The following STYX variants were observed in gnomAD, a reference collection of about 807,000 sequenced individuals.
STYX encodes serine/threonine/tyrosine interacting protein.
Under a neutral mutation model 42.7 loss-of-function variants are expected in STYX, and 20 were observed. The ratio of observed to expected loss-of-function variants is 0.47; its 90% CI spans 0.33 to 0.68. STYX has a LOEUF of 0.68. Among genes scored for constraint, STYX ranks in the 30% least tolerant of loss-of-function variants. The pLI, the probability that STYX is intolerant of heterozygous loss-of-function variation, is 0.02. For synonymous variants in STYX, 78 were observed against 81.9 expected (o/e 0.95, Z 0.26); for missense variants, 226 against 268.5 (o/e 0.84, Z 1.11).
At chr14:52,751,268 G>A (rs1460669039) in intron 4 of STYX, among the ~76,000 whole-genome samples, 1 of 151,982 alleles carries the variant, frequency 6.6e-6, no homozygotes, top group Non-Finnish European at 1.5e-5. Flanking sequence ...ATATCAAACT[G>A]CTTATTCTTT....
chr14:52,772,642 TA>T lies in STYX; in HGVS notation c.*1538del, dbSNP rs1882555730. 1 of 152,598 alleles carries T rather than the reference TA, an allele frequency of 6.6e-6. No homozygotes were observed. Among genetic ancestry groups the T allele is most frequent in the South Asian group, 2.1e-4 (1 of 4,824 alleles). The allele number at this position is 152,598 out of a possible 1,614,324, so 9.5% of individuals were successfully genotyped here. A position where few individuals can be genotyped will look rare whatever the true frequency, so the allele number is the denominator to read the frequency against. Reference sequence around the variant, plus strand: ...TGGTACCAAGAGGTACTATGCAAAGTAACCTATTACACCAAGTTACTTGCTT... The same window carrying T: ...TGGTACCAAGAGGTACTATGCAAAGTACCTATTACACCAAGTTACTTGCTT... On this transcript the variant is annotated 3_prime_UTR_variant, in exon 11 of 11. Coordinates refer to ENST00000354586, the MANE Select transcript of STYX (RefSeq NM_145251.4).
intron 1 of STYX, among the ~76,000 whole-genome samples, chr14:52,731,096 A>G (rs1880680279): frequency 6.6e-6 from 1 of 152,230 alleles, no homozygotes; most frequent in South Asian, 2.1e-4. Context: ...ATTAATATTG[A>G]AAGTAAAATA....
chr14:52,731,228 C>T (rs895799802), intron 1 of STYX, among the ~76,000 whole-genome samples: 1 of 151,960 alleles, frequency 6.6e-6, no homozygotes, highest in African/African-American at 2.4e-5. Context: ...TACGGCATTG[C>T]AGACTACTAA....
Position 52,773,943 on chromosome 14 carries a change from A to G in STYX, c.*2837A>G, listed in dbSNP as rs1210523574. 6.6e-6 allele frequency: 1 copy of G among 152,228 alleles called. No individual in the cohort carries two copies. The highest frequency in any genetic ancestry group is 6.5e-5 in the Admixed American group (1 of 15,280). 9.4% of individuals were successfully genotyped at this position (152,228 alleles called of 1,614,324 possible). A position where few individuals can be genotyped will look rare whatever the true frequency, so the allele number is the denominator to read the frequency against. ...GGCCCATAATTTATAGTGAAATTGT[A>G]TCAAAACATAGGGAAACTGTATTAC... On this transcript the variant is annotated 3_prime_UTR_variant, in exon 11 of 11. Coordinates refer to ENST00000354586, the MANE Select transcript of STYX (RefSeq NM_145251.4).
rs1011553647 is a variant in STYX, at chr14:52,771,251, G to A, written c.*145G>A. 3.0e-6 allele frequency: 2 copies of A among 658,980 alleles called. No individual in the cohort carries two copies. Among genetic ancestry groups the A allele is most frequent in the Non-Finnish European group, 4.9e-6 (2 of 405,422 alleles). The allele number at this position is 658,980 out of a possible 1,614,324, so 40.8% of individuals were successfully genotyped here. On this transcript the variant is annotated 3_prime_UTR_variant, in exon 11 of 11. Transcript: ENST00000354586. ...CAGACATACTTCTCTGCAACTTGTTGAGCAACATTTTAAGATGTTGGACTT... is the reference window on the plus strand; with the variant it reads ...CAGACATACTTCTCTGCAACTTGTTAAGCAACATTTTAAGATGTTGGACTT...
rs576495102 is a variant in STYX, at chr14:52,749,759, A to G, written c.145-924A>G. Among the ~76,000 whole-genome samples, 28 of 152,332 alleles carry G rather than the reference A, an allele frequency of 1.8e-4. No homozygotes were observed. In the East Asian group the frequency reaches 4.8e-3, roughly 26 times the overall value. ...TCATGTTAAATTGCTTTAAGTATGG[A>G]GCCAAAAGCACTACAGGTTGAGTAT... On this transcript the variant is annotated intron_variant, in intron 3 of 10. Coordinates refer to ENST00000354586, the MANE Select transcript of STYX (RefSeq NM_145251.4).
At chr14:52,768,706 T>G (rs1882401718) in intron 9 of STYX, 134 bp from the exon 10 acceptor site, 3 of 561,886 alleles carry the variant, frequency 5.3e-6, no homozygotes. Context: ...TAAACTTCCA[T>G]TTCTCTTCAA....
rs576833226 is a variant in STYX at position 52,771,341 on chromosome 14, A to G, written c.*235A>G. The G allele has an allele frequency of 2.8e-6, 1 of 363,384 alleles. No homozygotes were observed. The highest frequency in any genetic ancestry group is 4.9e-6 in the Non-Finnish European group (1 of 202,266). The allele number at this position is 363,384 out of a possible 1,614,324, so 22.5% of individuals were successfully genotyped here. On this transcript the variant is annotated 3_prime_UTR_variant, in exon 11 of 11. Transcript: ENST00000354586. ...AAAACACATGCGCGCGCACACACAC[A>G]TGCTTTACAAGTTTTATTATAAACC...
chr14:52,746,177 C>T (rs1881389308), intron 2 of STYX, among the ~76,000 whole-genome samples: 1 of 151,962 alleles, frequency 6.6e-6, no homozygotes, highest in Non-Finnish European at 1.5e-5. Context: ...GTCTGTAATT[C>T]CAGCCGTTTG....
rs139549758 is a variant in STYX at position 52,751,723 on chromosome 14, G to T, written c.242+943G>T. On this transcript the variant is annotated intron_variant, in intron 4 of 10. Transcript: ENST00000354586. ...TTATTTTAACTTCATTTTTAAAATA[G>T]AGTATATTACGCATGGTACAAAAGT... 5.1e-3 allele frequency among the ~76,000 whole-genome samples: 776 copies of T among 152,204 alleles called. 5 individuals are homozygous for T. The highest frequency in any genetic ancestry group is 0.044 in the East Asian group (227 of 5,178).
At chr14:52,736,566 C>G (rs937540216) in intron 1 of STYX, among the ~76,000 whole-genome samples, 11 of 152,136 alleles carry the variant, frequency 7.2e-5, no homozygotes, top group Admixed American at 1.3e-4. Flanking sequence ...TTCCATGTTT[C>G]CCTTTCCATT....
At chr14:52,743,043 G>T (rs779559841) in intron 1 of STYX, among the ~76,000 whole-genome samples, 2 of 151,638 alleles carry the variant, frequency 1.3e-5, no homozygotes, top group Non-Finnish European at 2.9e-5. Context: ...TGATCCACCC[G>T]CCTCAGCCTC....
At chr14:52,735,322 C>G (rs987285271) in intron 1 of STYX, among the ~76,000 whole-genome samples, 1 of 152,032 alleles carries the variant, frequency 6.6e-6, no homozygotes, top group African/African-American at 2.4e-5. Flanking sequence ...GAGGAATTGC[C>G]CAATTTAATT....
In STYX at chr14:52,759,727, T is replaced by TA; in HGVS notation, c.479dup (p.Asn160LysfsTer12). 2.5e-6 allele frequency: 4 copies of TA among 1,611,636 alleles called. No individual in the cohort carries two copies. The highest frequency in any genetic ancestry group is 2.5e-6 in the Non-Finnish European group (3 of 1,178,714). On this transcript the variant is annotated frameshift_variant, in exon 9 of 11. Transcript: ENST00000354586. LOFTEE classifies it high-confidence loss of function. ...AAGAAAGAAGATTTTGTATTAATCC[T>TA]AATGCTGGATTTGTCCATCAACTTC... is the stretch of plus-strand genomic sequence containing the variant.
intron 1 of STYX, among the ~76,000 whole-genome samples, chr14:52,732,106 T>TG: frequency 6.7e-6 from 1 of 149,874 alleles, no homozygotes; most frequent in Non-Finnish European, 1.5e-5. Flanking sequence ...TTTTTTTTTT[T>TG]TTTTTTTGAC....
chr14:52,755,400 A>G (rs939943706), intron 4 of STYX, among the ~76,000 whole-genome samples: 2 of 152,082 alleles, frequency 1.3e-5, no homozygotes, highest in African/African-American at 2.4e-5. Context: ...TGGGATTACA[A>G]GCATGAGCCA....
In STYX at chr14:52,771,022, A is replaced by G. The variant is rs1424220491; in HGVS notation, c.599-11A>G. Reference sequence around the variant, plus strand: ...TTAGTGCCCTTTTAATCTTCATGCAATAACTTTTAGGCAGTTTGAAGAGAA... The same window carrying G: ...TTAGTGCCCTTTTAATCTTCATGCAGTAACTTTTAGGCAGTTTGAAGAGAA... On this transcript the variant is annotated splice_polypyrimidine_tract_variant and intron_variant, in intron 10 of 10. Coordinates refer to ENST00000354586, the MANE Select transcript of STYX (RefSeq NM_145251.4). 6.2e-7 allele frequency: 1 copy of G among 1,610,992 alleles called. No homozygotes were observed. Among genetic ancestry groups the G allele is most frequent in the Non-Finnish European group, 8.5e-7 (1 of 1,178,194 alleles).
intron 10 of STYX, 77 bp downstream of exon 10, chr14:52,769,010 G>T (rs2274275): frequency 0.096 from 100,800 of 1,047,826 alleles, 5,649 homozygotes; most frequent in East Asian, 0.15. Context: ...AAGTTACACT[G>T]AACAATTTAA....
At chr14:52,756,966 C>T (rs1024803932) in intron 5 of STYX, among the ~76,000 whole-genome samples, 2 of 152,112 alleles carry the variant, frequency 1.3e-5, no homozygotes, top group African/African-American at 2.4e-5. Flanking sequence ...GCATTACAGG[C>T]GTGAGCCACC....
Sources: allele counts gnomAD v4.1 joint callset (sites outside exome capture counted in the v4.1 genomes callset), GRCh38; gene constraint gnomAD v4.1.1; transcripts MANE v1.5; gene names NCBI Gene and HGNC (gene_info 2026-07-23, HGNC 2026-07-21).